TUFT1: variants seen among roughly 807,000 people sequenced by gnomAD.
TUFT1 encodes tuftelin 1, also known as tuftelin.
A neutral mutation model predicts 57.8 loss-of-function variants in TUFT1; 43 were observed. The observed-to-expected ratio is 0.74, with a 90% CI of 0.58 to 0.96. TUFT1 has a LOEUF of 0.96. Ranked by LOEUF, TUFT1 falls within the 40% of genes least tolerant of loss-of-function variation. TUFT1 has a pLI of 0.00. For synonymous variants in TUFT1, 166 were observed against 176.7 expected, an observed-to-expected ratio of 0.94 and a Z score of 0.48; for missense variants, 459 against 489.0, an observed-to-expected ratio of 0.94 and a Z score of 0.58.
chr1:151,566,639 T>C (rs966761888), intron 6 of TUFT1, among the ~76,000 whole-genome samples: 1 of 152,190 alleles, frequency 6.6e-6, no homozygotes, highest in Non-Finnish European at 1.5e-5. Flanking sequence ...TGAGTGCCAG[T>C]ATTCTAGAAT....
At chr1:151,581,534 T>G (rs1456828139) in intron 12 of TUFT1, 110 bp from the exon 13 acceptor site, 8 of 1,024,340 alleles carry the variant, frequency 7.8e-6, no homozygotes, top group Non-Finnish European at 1.2e-5. Flanking sequence ...CAGCCAGCAC[T>G]GCAGTGTAAG....
intron 1 of TUFT1, among the ~76,000 whole-genome samples, chr1:151,547,861 T>C (rs1665389977): frequency 6.6e-6 from 1 of 152,204 alleles, no homozygotes; most frequent in African/African-American, 2.4e-5. Context: ...TTTCCTTTGT[T>C]AGGGCTCCAA....
In TUFT1 at chr1:151,574,311, T is replaced by C. The variant is rs375392592; in HGVS notation, c.636T>C (p.Asn212=). ...SRYQREAEQS[N]VALQREEDRV... The stretch of plus-strand genomic sequence containing the variant: ...ACCAGAGGGAAGCAGAACAAAGTAA[T>C]GTGGCCCTTCAGAGAGAGGAGGACA... The change falls in exon 8 of 13, where the codon AAT becomes AAC. Residue 212 remains asparagine (N), a synonymous_variant. Transcript: ENST00000368849. 9.3e-6 allele frequency: 15 copies of C among 1,614,106 alleles called. No individual in the cohort carries two copies. The East Asian group carries it at 1.1e-4, about 12-fold the overall frequency.
chr1:151,562,029 G>C, intron 1 of TUFT1, 62 bp from the exon 2 acceptor site: 1 of 1,539,988 alleles, frequency 6.5e-7, no homozygotes, highest in South Asian at 1.1e-5. Context: ...TGTACTGGTA[G>C]CAGTTTGTAC....
chr1:151,562,200 C>T (rs1364885268), intron 2 of TUFT1, 35 bp downstream of exon 2: 2 of 1,572,066 alleles, frequency 1.3e-6, no homozygotes, highest in East Asian at 2.2e-5. Flanking sequence ...GGCCCCCTCC[C>T]CACACCAGTG....
At chr1:151,564,693 A>G (rs1666008091) in intron 5 of TUFT1, 79 bp downstream of exon 5, 1 of 1,192,456 alleles carries the variant, frequency 8.4e-7, no homozygotes. Flanking sequence ...CCAATTACCC[A>G]GTGTGTGCTA....
chr1:151,570,470 CG>C lies in TUFT1; in HGVS notation c.594+704del, dbSNP rs376730821. On this transcript the variant is annotated intron_variant, in intron 7 of 12. Coordinates refer to ENST00000368849, the MANE Select transcript of TUFT1 (RefSeq NM_020127.3). The stretch of plus-strand genomic sequence containing the variant: ...CTAATTTTTGTGTTTTTAGAAGAGA[CG>C]GGGTTTCACCATGTTGGCCAGGATG... Among the ~76,000 whole-genome samples, 114 of 152,042 alleles carry C rather than the reference CG, an allele frequency of 7.5e-4. 1 individual carries two copies. In the East Asian group the frequency reaches 0.015, roughly 19 times the overall value.
chr1:151,561,979 G>A lies in TUFT1; in HGVS notation c.61-112G>A, dbSNP rs190724550. The A allele has an allele frequency of 2.1e-4, 306 of 1,474,186 alleles. 1 individual carries two copies. In the African/African-American group the frequency reaches 3.8e-3, roughly 18 times the overall value. The allele number at this position is 1,474,186 out of a possible 1,614,324, so 91.3% of individuals were successfully genotyped here. A position where few individuals can be genotyped will look rare whatever the true frequency, so the allele number is the denominator to read the frequency against. ...CAGTTTTCCTAGTCTGTGAAGTGGT[G>A]ATGATAAGACCCGCTCCACAGAGCT... On this transcript the variant is annotated intron_variant, in intron 1 of 12. Coordinates refer to ENST00000368849, the MANE Select transcript of TUFT1 (RefSeq NM_020127.3).
chr1:151,571,208 A>G (rs183170441), intron 7 of TUFT1, among the ~76,000 whole-genome samples: 2 of 152,366 alleles, frequency 1.3e-5, no homozygotes, highest in East Asian at 3.9e-4. Flanking sequence ...ATTTTTGAGA[A>G]GAGGCTTGGC....
At chr1:151,542,295 A>G (rs1261677073) in intron 1 of TUFT1, among the ~76,000 whole-genome samples, 2 of 151,152 alleles carry the variant, frequency 1.3e-5, no homozygotes, top group Non-Finnish European at 2.9e-5. Context: ...ATCTCAGCTC[A>G]CTGCAACCTC....
At chr1:151,566,962 C>T (rs1666104125) in intron 6 of TUFT1, among the ~76,000 whole-genome samples, 1 of 152,102 alleles carries the variant, frequency 6.6e-6, no homozygotes, top group Non-Finnish European at 1.5e-5. Flanking sequence ...ACCCTGTCAC[C>T]CAGGCTGGAG....
rs1366185969 is a variant in TUFT1 at position 151,582,013 on chromosome 1, C to T, written c.*306C>T. ...TAGAGAGCCTCCCTTCTGTTGTAGA[C>T]TGGACTCTGGCTGTGCCATAAGCCA... On this transcript the variant is annotated 3_prime_UTR_variant, in exon 13 of 13. Transcript: ENST00000368849. 6 of 575,280 alleles carry T rather than the reference C, an allele frequency of 1.0e-5. No individual in the cohort carries two copies. The highest frequency in any genetic ancestry group is 1.8e-5 in the African/African-American group (1 of 54,122). The allele number at this position is 575,280 out of a possible 1,614,324, so 35.6% of individuals were successfully genotyped here. A position where few individuals can be genotyped will look rare whatever the true frequency, so the allele number is the denominator to read the frequency against.
chr1:151,561,899 A>G, intron 1 of TUFT1, 192 bp from the exon 2 acceptor site: 1 of 1,521,458 alleles, frequency 6.6e-7, no homozygotes, highest in South Asian at 1.2e-5. Flanking sequence ...GTGGTCCCAG[A>G]GTCACCACCC....
At chr1:151,577,315 G>C (rs1168736485) in intron 9 of TUFT1, among the ~76,000 whole-genome samples, 2 of 152,094 alleles carry the variant, frequency 1.3e-5, no homozygotes, top group Non-Finnish European at 2.9e-5. Flanking sequence ...CAGAGGCTAG[G>C]GGGAGTTGTG....
chr1:151,582,523 T>C lies in TUFT1; in HGVS notation c.*816T>C, dbSNP rs1666673668. 4.3e-6 allele frequency: 1 copy of C among 232,244 alleles called. No individual in the cohort carries two copies. Among genetic ancestry groups the C allele is most frequent in the African/African-American group, 2.3e-5 (1 of 43,944 alleles). 14.4% of individuals were successfully genotyped at this position (232,244 alleles called of 1,614,324 possible). A position where few individuals can be genotyped will look rare whatever the true frequency, so the allele number is the denominator to read the frequency against. On this transcript the variant is annotated 3_prime_UTR_variant, in exon 13 of 13. Coordinates refer to ENST00000368849, the MANE Select transcript of TUFT1 (RefSeq NM_020127.3). ...TTCCACCAGTCCCAGCAAAATCCTC[T>C]TTGTATTTATTTTGCTAAGTTATTG...
intron 3 of TUFT1, among the ~76,000 whole-genome samples, chr1:151,563,081 C>T (rs907694021): frequency 6.6e-5 from 10 of 152,134 alleles, no homozygotes; most frequent in African/African-American, 2.4e-4. Flanking sequence ...GAGACAGTCT[C>T]GCCTTGTTCC....
intron 6 of TUFT1, 70 bp downstream of exon 6, chr1:151,566,298 G>T: frequency 7.9e-7 from 1 of 1,265,568 alleles, no homozygotes; most frequent in Non-Finnish European, 1.1e-6. Context: ...CCATCCTTTT[G>T]TTTATTGCTT....
At chr1:151,563,350 G>A (rs1389382229) in intron 3 of TUFT1, among the ~76,000 whole-genome samples, 2 of 152,028 alleles carry the variant, frequency 1.3e-5, no homozygotes, top group African/African-American at 4.8e-5. Context: ...GGTCAGTGAT[G>A]GACTGCGTAG....
intron 1 of TUFT1, among the ~76,000 whole-genome samples, chr1:151,541,730 C>G (rs1377168261): frequency 4.6e-5 from 7 of 152,198 alleles, no homozygotes; most frequent in Admixed American, 4.6e-4. Flanking sequence ...TATTGGCCAA[C>G]CCCAGTTGCC....
Sources: allele counts gnomAD v4.1 joint callset (sites outside exome capture counted in the v4.1 genomes callset), GRCh38; gene constraint gnomAD v4.1.1; transcripts MANE v1.5; gene names NCBI Gene and HGNC (gene_info 2026-07-23, HGNC 2026-07-21).